The following ANK1 variants were observed in gnomAD, a reference collection of about 807,000 sequenced individuals.
ANK1 encodes the protein ankyrin 1, also known as ankyrin-1.
ANK1 carries 51 observed loss-of-function variants against 210.4 expected under a neutral mutation model. The ratio of observed to expected loss-of-function variants is 0.24; its 90% CI spans 0.19 to 0.31. The LOEUF (loss-of-function observed/expected upper bound fraction) is 0.31, where lower values mean the gene tolerates loss of function less well. ANK1 is among the 10% of genes least tolerant of loss of function. The pLI, the probability that ANK1 is intolerant of heterozygous loss-of-function variation, is 1.00. For missense variants in ANK1, 2,051 were observed against 2,504.4 expected (o/e 0.82, Z 3.86); for synonymous variants, 967 against 1,025.9 (o/e 0.94, Z 1.10).
chr8:41,891,288 T>G (rs1259721117), intron 1 of ANK1, among the ~76,000 whole-genome samples: 1 of 152,152 alleles, frequency 6.6e-6, no homozygotes, highest in African/African-American at 2.4e-5. Flanking sequence ...AGTTTGTTTT[T>G]TTTTTTTAAG....
chr8:41,674,517 A>G (rs1420993415), intron 37 of ANK1, among the ~76,000 whole-genome samples: 1 of 152,210 alleles, frequency 6.6e-6, no homozygotes, highest in African/African-American at 2.4e-5. Flanking sequence ...CTACAACAGG[A>G]TTGGGCCTCC....
chr8:41,725,346 C>G (rs1830403931), intron 6 of ANK1, among the ~76,000 whole-genome samples: 1 of 152,224 alleles, frequency 6.6e-6, no homozygotes, highest in Admixed American at 6.5e-5. Context: ...GAGAGCGTGC[C>G]CAGGTGCACG....
At position 41,762,524 on chromosome 8, in the gene ANK1, G is replaced by C. The variant is rs1055540045; in HGVS notation, c.28-4387C>G. On this transcript the variant is annotated intron_variant, in intron 1 of 42. Coordinates refer to ENST00000289734, the MANE Select transcript of ANK1 (RefSeq NM_000037.4). The stretch of plus-strand genomic sequence containing the variant: ...AGCATTAAGTGTCTGCTAGGGCGAG[G>C]CCTCCCTTGACCTAAAGCACATGGC... Among the ~76,000 whole-genome samples, 7 of 152,260 alleles carry C rather than the reference G, an allele frequency of 4.6e-5. No homozygotes were observed. The South Asian group carries it at 1.2e-3, about 27-fold the overall frequency.
At chr8:41,696,635 G>A (rs1178941918) in intron 25 of ANK1, 41 bp downstream of exon 25, 2 of 1,610,070 alleles carry the variant, frequency 1.2e-6, no homozygotes, top group Non-Finnish European at 1.7e-6. Flanking sequence ...CCCTCTCGGA[G>A]ATGGAGACAG....
chr8:41,822,922 C>T (rs1023675177), intron 1 of ANK1, among the ~76,000 whole-genome samples: 11 of 152,186 alleles, frequency 7.2e-5, no homozygotes, highest in Admixed American at 2.6e-4. Context: ...TGATCTGGGG[C>T]GCTCCGTGTG....
chr8:41,692,119 C>G (rs57095696), intron 31 of ANK1, among the ~76,000 whole-genome samples: 1 of 151,630 alleles, frequency 6.6e-6, no homozygotes, highest in African/African-American at 2.4e-5. Context: ...GGCAACAGTG[C>G]GATCTCGGCT....
chr8:41,747,360 G>A (rs765739263), intron 2 of ANK1, among the ~76,000 whole-genome samples: 1 of 152,114 alleles, frequency 6.6e-6, no homozygotes, highest in Non-Finnish European at 1.5e-5. Context: ...CATTTTGCCT[G>A]TGACTTTACC....
intron 1 of ANK1, among the ~76,000 whole-genome samples, chr8:41,894,127 A>G (rs143518804): frequency 1.6e-3 from 248 of 152,268 alleles, no homozygotes; most frequent in African/African-American, 5.8e-3. Context: ...AAATACGAAC[A>G]AAGCATCCCT....
chr8:41,810,254 G>A (rs1449294694), intron 1 of ANK1, among the ~76,000 whole-genome samples: 3 of 152,364 alleles, frequency 2.0e-5, no homozygotes, highest in Admixed American at 2.0e-4. Flanking sequence ...CTAAATCCAG[G>A]TGGCGCTGGG....
chr8:41,703,394 A>T (rs200498900), intron 20 of ANK1, among the ~76,000 whole-genome samples: 1 of 126,422 alleles, frequency 7.9e-6, no homozygotes, highest in East Asian at 2.3e-4. Context: ...ATATATATAT[A>T]TGTATATGTG....
At chr8:41,725,698 G>T in intron 6 of ANK1, 63 bp downstream of exon 6, 2 of 1,563,324 alleles carry the variant, frequency 1.3e-6, no homozygotes, top group East Asian at 2.3e-5. Flanking sequence ...CTGGGCGTGC[G>T]CGGTGCCCCC....
chr8:41,743,604 A>G (rs1835325903), intron 2 of ANK1, among the ~76,000 whole-genome samples: 1 of 152,156 alleles, frequency 6.6e-6, no homozygotes, highest in Admixed American at 6.5e-5. Flanking sequence ...GGGGTCTGAG[A>G]AAGAGGACAG....
chr8:41,792,469 A>G (rs1418471372), intron 1 of ANK1, among the ~76,000 whole-genome samples: 1 of 152,250 alleles, frequency 6.6e-6, no homozygotes, highest in Non-Finnish European at 1.5e-5. Context: ...GAGAAGCAGG[A>G]GCTCAGACTC....
At chr8:41,760,638 G>A (rs1234013170) in intron 1 of ANK1, among the ~76,000 whole-genome samples, 1 of 152,212 alleles carries the variant, frequency 6.6e-6, no homozygotes, top group Non-Finnish European at 1.5e-5. Flanking sequence ...CTAGCTGAGT[G>A]CCCTCAGGTA....
intron 2 of ANK1, among the ~76,000 whole-genome samples, chr8:41,751,405 G>A (rs1352841247): frequency 2.0e-5 from 3 of 152,184 alleles, no homozygotes; most frequent in African/African-American, 7.2e-5. Flanking sequence ...AAGCCACATA[G>A]TAGGACCAGC....
intron 1 of ANK1, among the ~76,000 whole-genome samples, chr8:41,854,864 T>A (rs1811900926): frequency 1.3e-5 from 2 of 151,770 alleles, no homozygotes; most frequent in East Asian, 3.9e-4. Context: ...GTGGGAGGAT[T>A]GCTTGAGCCC....
intron 37 of ANK1, among the ~76,000 whole-genome samples, chr8:41,681,833 G>T (rs1186821347): frequency 6.6e-6 from 1 of 151,790 alleles, no homozygotes; most frequent in Admixed American, 6.6e-5. Context: ...AAGGAAGAAG[G>T]CAGGAAAAAT....
intron 2 of ANK1, among the ~76,000 whole-genome samples, chr8:41,737,771 G>A (rs757993252): frequency 1.2e-4 from 19 of 152,220 alleles, no homozygotes; most frequent in Non-Finnish European, 2.2e-4. Context: ...CAGTTAATGA[G>A]AGAGATGCAA....
chr8:41,859,336 G>GTGTT (rs368482975), intron 1 of ANK1, among the ~76,000 whole-genome samples: 1,881 of 152,006 alleles, frequency 0.012, 24 homozygotes, highest in African/African-American at 0.031. Flanking sequence ...TTGTTTGTTT[G>GTGTT]TGTTTGTTTG....
Sources: allele counts gnomAD v4.1 joint callset (sites outside exome capture counted in the v4.1 genomes callset), GRCh38; gene constraint gnomAD v4.1.1; transcripts MANE v1.5; gene names NCBI Gene and HGNC (gene_info 2026-07-23, HGNC 2026-07-21).